The following ULBP3 variants were observed in gnomAD, a reference collection of about 807,000 sequenced individuals.
The protein encoded by ULBP3 is UL16-binding protein 3.
Under a neutral mutation model 24.9 loss-of-function variants are expected in ULBP3, and 25 were observed. The ratio of observed to expected loss-of-function variants is 1.00; its 90% CI spans 0.73 to 1.40. ULBP3 has a LOEUF of 1.40. Ranked by LOEUF, ULBP3 falls within the 40% of genes most tolerant of loss-of-function variation. The probability of loss-of-function intolerance (pLI) is 0.00; values close to 1 mark genes in which losing one functional copy is unlikely to be tolerated. For synonymous variants in ULBP3, 114 were observed against 114.7 expected (o/e 0.99, Z 0.04); for missense variants, 306 against 307.5 (o/e 1.00, Z 0.04).
Position 150,065,969 on chromosome 6 carries a change from C to T in ULBP3, c.282G>A (p.Met94Ile). The T allele has an allele frequency of 1.2e-6, 2 of 1,614,218 alleles. No homozygotes were observed. Among genetic ancestry groups the T allele is most frequent in the South Asian group, 2.2e-5 (2 of 91,088 alleles). The change falls in exon 2 of 5, where the codon ATG (methionine) becomes ATA (isoleucine). Residue 94 changes from methionine to isoleucine, a missense_variant. Met to Ile is a conservative substitution (Grantham distance 10). Transcript: ENST00000367339. The stretch of plus-strand genomic sequence containing the variant: ...TGAGCCTCTGCCCCACCTCTCTCAG[C>T]ATTTCCAGTTGTTTTCCCCAGGCAT... ...ATDAWGKQLE[M>I]LREVGQRLRL...
At chr6:150,065,834 C>G in intron 2 of ULBP3, 65 bp downstream of exon 2, 1 of 1,596,316 alleles carries the variant, frequency 6.3e-7, no homozygotes, top group South Asian at 1.1e-5. Flanking sequence ...TTTCTTCTCC[C>G]CACACACAGA....
At chr6:150,066,249 G>T in intron 1 of ULBP3, 87 bp from the exon 2 acceptor site, 3 of 1,437,200 alleles carry the variant, frequency 2.1e-6, no homozygotes, top group East Asian at 2.3e-5. Context: ...TTCCTGAAGG[G>T]CTGGGCTGGC....
chr6:150,063,512 C>A (rs13199618), intron 4 of ULBP3, among the ~76,000 whole-genome samples, 161 bp from the exon 5 acceptor site: 56,080 of 151,966 alleles, frequency 0.37, 10,436 homozygotes, highest in South Asian at 0.45. Flanking sequence ...CCTTTCCCAA[C>A]CTCCACCCTC....
At chr6:150,068,427 G>A (rs1776379148) in intron 1 of ULBP3, among the ~76,000 whole-genome samples, 1 of 152,168 alleles carries the variant, frequency 6.6e-6, no homozygotes, top group Admixed American at 6.5e-5. Context: ...CTAGGACAGG[G>A]TCCATTTCAG....
rs28437445 is a variant in ULBP3, at chr6:150,062,383, A to G, written c.*991T>C. The stretch of plus-strand genomic sequence containing the variant: ...TACCTGCGCAACATAGGAAGACCCA[A>G]TCTCTACCTAAATATAAAACAATTT... On this transcript the variant is annotated 3_prime_UTR_variant, in exon 5 of 5. Transcript: ENST00000367339. Among the ~76,000 whole-genome samples, 12,364 of 152,188 alleles carry G rather than the reference A, an allele frequency of 0.081. 645 individuals carry two copies. The highest frequency in any genetic ancestry group is 0.17 in the Middle Eastern group (49 of 294).
At chr6:150,064,152 C>T (rs1306675836) in intron 4 of ULBP3, among the ~76,000 whole-genome samples, 1 of 152,186 alleles carries the variant, frequency 6.6e-6, no homozygotes, top group Non-Finnish European at 1.5e-5. Context: ...TTTCTCTCTT[C>T]TTAGCCTCCT....
chr6:150,065,308 C>A, intron 3 of ULBP3, 90 bp downstream of exon 3: 2 of 1,551,048 alleles, frequency 1.3e-6, no homozygotes, highest in Admixed American at 1.7e-5. Flanking sequence ...CACACCCATA[C>A]ACCCACACCC....
Position 150,066,016 on chromosome 6 carries a change from C to T in ULBP3, c.235G>A (p.Glu79Lys). The T allele has an allele frequency of 1.2e-6, 2 of 1,614,260 alleles. No individual in the cohort carries two copies. The highest frequency in any genetic ancestry group is 1.7e-6 in the Non-Finnish European group (2 of 1,180,054). ...SDKVLSMGHL[E>K]EQLYATDAWG... Reference sequence around the variant, plus strand: ...GCATCTGTGGCATACAGCTGCTCTTCTAGGTGACCCATAGATAAGACCTTG... The same window carrying T: ...GCATCTGTGGCATACAGCTGCTCTTTTAGGTGACCCATAGATAAGACCTTG... The change falls in exon 2 of 5, where the codon GAA (glutamate) becomes AAA (lysine). Residue 79 changes from glutamate to lysine, a missense_variant. By Grantham distance (56) the Glu-to-Lys change is moderately conservative. Coordinates refer to ENST00000367339, the MANE Select transcript of ULBP3 (RefSeq NM_024518.3).
chr6:150,067,435 G>A (rs1776363585), intron 1 of ULBP3, among the ~76,000 whole-genome samples: 1 of 152,198 alleles, frequency 6.6e-6, no homozygotes, highest in African/African-American at 2.4e-5. Context: ...TCTTCCCAGG[G>A]ATGTGAAGCA....
At position 150,065,528 on chromosome 6, in the gene ULBP3, G is replaced by A. The variant is rs1776332882; in HGVS notation, c.498C>T (p.Ala166=). The A allele has an allele frequency of 7.4e-6, 12 of 1,614,130 alleles. No individual in the cohort carries two copies. The highest frequency in any genetic ancestry group is 3.3e-4 in the Middle Eastern group (2 of 6,062). Residue 166 remains alanine, a synonymous_variant, in exon 3 of 5, where the codon GCC becomes GCT. Transcript: ENST00000367339. ...NRKWTVVHAG[A]RRMKEKWEKD... ...TCTCCCACTTCTCTTTCATCCGCCT[G>A]GCTCCAGCGTGAACCACTGTCCACT...
At chr6:150,066,312 G>T in intron 1 of ULBP3, 150 bp from the exon 2 acceptor site, 1 of 902,562 alleles carries the variant, frequency 1.1e-6, no homozygotes, top group Non-Finnish European at 1.6e-6. Flanking sequence ...GAGGAACCAT[G>T]GGTCGCTAAC....
At chr6:150,066,504 G>A (rs1297709482) in intron 1 of ULBP3, among the ~76,000 whole-genome samples, 1 of 152,178 alleles carries the variant, frequency 6.6e-6, no homozygotes, top group African/African-American at 2.4e-5. Flanking sequence ...TTGGAGCGTG[G>A]TGCAGTGGGT....
rs763820344 is a variant in ULBP3, at chr6:150,065,700, C to T, written c.353-27G>A. 1.9e-6 allele frequency: 3 copies of T among 1,611,038 alleles called. No individual in the cohort carries two copies. In the African/African-American group the frequency reaches 4.0e-5, roughly 22 times the overall value. ...TGCCCCAATCAGAAAGAGATCAGCC[C>T]TGGTGTTTACAAATTCTCTTCCCTG... On this transcript the variant is annotated intron_variant, in intron 2 of 4. Coordinates refer to ENST00000367339, the MANE Select transcript of ULBP3 (RefSeq NM_024518.3).
Position 150,065,894 on chromosome 6 carries a change from C to G in ULBP3, c.352+5G>C, listed in dbSNP as rs748486033. 10 of 1,614,024 alleles carry G rather than the reference C, an allele frequency of 6.2e-6. No individual in the cohort carries two copies. Among genetic ancestry groups the G allele is most frequent in the Non-Finnish European group, 8.5e-6 (10 of 1,180,014 alleles). On this transcript the variant is annotated splice_donor_5th_base_variant and intron_variant, in intron 2 of 4. Coordinates refer to ENST00000367339, the MANE Select transcript of ULBP3 (RefSeq NM_024518.3). ...TCCCTTCTGTCCTTGGTCTCTTTCA[C>G]TCACCACTGGGTGTGAAATCCTCCA... is the stretch of plus-strand genomic sequence containing the variant.
At position 150,068,483 on chromosome 6, in the gene ULBP3, A is replaced by G. The variant is rs867742109; in HGVS notation, c.88+496T>C. The stretch of plus-strand genomic sequence containing the variant: ...TTGCCATTGCCTGCTGTTGCTCTAC[A>G]AAGGGACGGGACTTGACACAGAGAC... On this transcript the variant is annotated intron_variant, in intron 1 of 4. Coordinates refer to ENST00000367339, the MANE Select transcript of ULBP3 (RefSeq NM_024518.3). 3.9e-5 allele frequency among the ~76,000 whole-genome samples: 6 copies of G among 152,302 alleles called. No individual in the cohort carries two copies. The Middle Eastern group carries it at 0.01, about 259-fold the overall frequency.
chr6:150,066,068 ATTC>A lies in ULBP3; in HGVS notation c.180_182del (p.Lys60del), dbSNP rs1776342004. On this transcript the variant is annotated inframe_deletion, in exon 2 of 5. Transcript: ENST00000367339. ...CACTGCCACAGTCATAGGAGAGAAAATTCTTCTGATCCACCTGGCTCTGGACCT... is the reference window on the plus strand; with the variant it reads ...CACTGCCACAGTCATAGGAGAGAAAATTCTGATCCACCTGGCTCTGGACCT... 6.8e-6 allele frequency: 11 copies of A among 1,614,158 alleles called. No homozygotes were observed. Among genetic ancestry groups the A allele is most frequent in the Non-Finnish European group, 7.6e-6 (9 of 1,180,030 alleles).
Position 150,064,455 on chromosome 6 carries a change from T to C in ULBP3, c.*22+130A>G, listed in dbSNP as rs551078913. On this transcript the variant is annotated intron_variant, in intron 4 of 4. Transcript: ENST00000367339. ...TGCAAACAGGCGACACCAGGTCTCATTCACCTGTCTCATGTCAGAACGAGA... is the reference window on the plus strand; with the variant it reads ...TGCAAACAGGCGACACCAGGTCTCACTCACCTGTCTCATGTCAGAACGAGA... 31 of 805,598 alleles carry C rather than the reference T, an allele frequency of 3.8e-5. No individual in the cohort carries two copies. In the South Asian group the frequency reaches 4.3e-4, roughly 11 times the overall value. The allele number at this position is 805,598 out of a possible 1,614,324, so 49.9% of individuals were successfully genotyped here.
chr6:150,065,856 G>GC, intron 2 of ULBP3, 43 bp downstream of exon 2: 1 of 1,609,824 alleles, frequency 6.2e-7, no homozygotes, highest in East Asian at 2.2e-5. Context: ...CAGCCCCTGA[G>GC]CCCACAGTCT....
At chr6:150,064,557 G>C in intron 4 of ULBP3, 28 bp downstream of exon 4, 1 of 1,591,862 alleles carries the variant, frequency 6.3e-7, no homozygotes, top group Non-Finnish European at 8.6e-7. Context: ...TCTGTCTCTC[G>C]TTCCCCTCAC....
Sources: gnomAD v4.1 joint callset for allele counts (sites outside exome capture counted in the v4.1 genomes callset) on GRCh38, gnomAD v4.1.1 for gene constraint, MANE v1.5 for transcripts, NCBI Gene and HGNC (gene_info 2026-07-23, HGNC 2026-07-21) for gene names.